LRBA: variants seen among roughly 807,000 people sequenced by gnomAD.
LRBA encodes lipopolysaccharide-responsive and beige-like anchor protein.
A neutral mutation model predicts 330.0 loss-of-function variants in LRBA; 176 were observed. That is an observed-to-expected ratio of 0.53 (90% CI 0.47 to 0.60). The LOEUF is 0.60. Ranked by LOEUF, LRBA falls within the 20% of genes least tolerant of loss-of-function variation. The probability of loss-of-function intolerance (pLI) is 0.00; values close to 1 mark genes in which losing one functional copy is unlikely to be tolerated. For synonymous variants in LRBA, 1,230 were observed against 1,193.0 expected, an observed-to-expected ratio of 1.03 and a Z score of -0.64; for missense variants, 3,259 against 3,444.8, an observed-to-expected ratio of 0.95 and a Z score of 1.35.
chr4:150,357,133 C>T (rs1737953376), intron 47 of LRBA, among the ~76,000 whole-genome samples: 1 of 151,998 alleles, frequency 6.6e-6, no homozygotes, highest in Non-Finnish European at 1.5e-5. Flanking sequence ...TGCCCTTGAA[C>T]TGTTGGGCAG....
intron 30 of LRBA, among the ~76,000 whole-genome samples, chr4:150,827,974 C>G (rs553751150): frequency 6.6e-6 from 1 of 152,156 alleles, no homozygotes; most frequent in Non-Finnish European, 1.5e-5. Flanking sequence ...GTATATAATA[C>G]ATATAACAAT....
At chr4:150,390,652 CAAGG>C (rs1743783797) in intron 47 of LRBA, among the ~76,000 whole-genome samples, 1 of 152,148 alleles carries the variant, frequency 6.6e-6, no homozygotes, top group African/African-American at 2.4e-5. Context: ...AAAAATTCCT[CAAGG>C]AAGGAATTCT....
intron 49 of LRBA, among the ~76,000 whole-genome samples, chr4:150,322,580 C>T (rs568347409): frequency 6.6e-6 from 1 of 152,232 alleles, no homozygotes; most frequent in Non-Finnish European, 1.5e-5. Context: ...AAATTAAATA[C>T]ATTTGCATTT....
intron 36 of LRBA, among the ~76,000 whole-genome samples, chr4:150,685,423 T>TATATAC (rs1783519173): frequency 4.3e-5 from 1 of 23,068 alleles, no homozygotes; most frequent in African/African-American, 1.8e-4. Flanking sequence ...TATATATATT[T>TATATAC]TTTTTTTTTT....
intron 37 of LRBA, among the ~76,000 whole-genome samples, chr4:150,607,989 C>G (rs1339735521): frequency 1.3e-5 from 2 of 152,022 alleles, no homozygotes; most frequent in Admixed American, 6.6e-5. Flanking sequence ...GAGCCAAGAT[C>G]GCGCCACTGC....
intron 36 of LRBA, among the ~76,000 whole-genome samples, chr4:150,697,498 AT>A (rs999025235): frequency 1.2e-4 from 18 of 152,168 alleles, no homozygotes; most frequent in Middle Eastern, 6.8e-3. Context: ...AAAGATAGGA[AT>A]AACAGAATGA....
In LRBA at chr4:150,784,817, C is replaced by G. The variant is rs539447545; in HGVS notation, c.5580+13264G>C. Among the ~76,000 whole-genome samples the G allele has an allele frequency of 2.6e-5, 4 of 152,222 alleles. No individual in the cohort carries two copies. In the South Asian group the frequency reaches 8.3e-4, roughly 32 times the overall value. On this transcript the variant is annotated intron_variant, in intron 34 of 56. Transcript: ENST00000651943. ...CTAAACTGGCATGAGGATCAAGAAC[C>G]CTGGTGTTCCTCCACTCATCGGAGT...
At chr4:150,718,598 T>G (rs1728543827) in intron 36 of LRBA, among the ~76,000 whole-genome samples, 2 of 152,142 alleles carry the variant, frequency 1.3e-5, no homozygotes, top group Non-Finnish European at 2.9e-5. Context: ...ACGTTTGCTC[T>G]CTTAAAATTG....
At chr4:150,559,061 CATAGT>C (rs997558931) in intron 40 of LRBA, among the ~76,000 whole-genome samples, 3 of 152,126 alleles carry the variant, frequency 2.0e-5, no homozygotes, top group African/African-American at 7.2e-5. Flanking sequence ...ATATCACTTA[CATAGT>C]ATAACAACTA....
At chr4:150,547,662 C>G (rs1766017420) in intron 40 of LRBA, among the ~76,000 whole-genome samples, 2 of 151,982 alleles carry the variant, frequency 1.3e-5, no homozygotes, top group Admixed American at 1.3e-4. Flanking sequence ...GGATTGGGAG[C>G]AGGGTGGTGT....
At chr4:150,809,454 AG>A (rs533769674) in intron 31 of LRBA, among the ~76,000 whole-genome samples, 26 of 152,350 alleles carry the variant, frequency 1.7e-4, no homozygotes, top group Non-Finnish European at 3.2e-4. Context: ...ACAAGGAATA[AG>A]GTTATGTCAA....
At chr4:150,943,354 C>G (rs1735882777) in intron 2 of LRBA, among the ~76,000 whole-genome samples, 2 of 152,172 alleles carry the variant, frequency 1.3e-5, no homozygotes, top group Non-Finnish European at 2.9e-5. Flanking sequence ...CTTCTGTGCT[C>G]AAGCAATCCT....
intron 46 of LRBA, chr4:150,423,256 C>T (rs545854303): frequency 7.4e-6 from 8 of 1,084,038 alleles, no homozygotes; most frequent in Middle Eastern, 2.1e-4. Flanking sequence ...GACACGCAGC[C>T]GCCTCCCAGC....
chr4:150,319,083 G>T (rs1371273413), intron 50 of LRBA, among the ~76,000 whole-genome samples: 1 of 152,170 alleles, frequency 6.6e-6, no homozygotes, highest in Non-Finnish European at 1.5e-5. Context: ...AAAGCCAGAA[G>T]CTTAGTCATC....
intron 36 of LRBA, among the ~76,000 whole-genome samples, chr4:150,717,292 T>A (rs994390211): frequency 4.6e-5 from 7 of 152,178 alleles, no homozygotes; most frequent in Admixed American, 4.6e-4. Flanking sequence ...AATTTATAAG[T>A]ACTCACAAAA....
At chr4:150,268,730 T>TTTG (rs1324385815) in intron 56 of LRBA, among the ~76,000 whole-genome samples, 3 of 152,276 alleles carry the variant, frequency 2.0e-5, no homozygotes. Flanking sequence ...ATGAAAACAA[T>TTTG]AGGAGTAGAA....
chr4:150,669,754 C>T (rs1326148052), intron 37 of LRBA, among the ~76,000 whole-genome samples: 1 of 152,008 alleles, frequency 6.6e-6, no homozygotes, highest in Non-Finnish European at 1.5e-5. Context: ...TTAGTAGATA[C>T]AGGGTTTCAC....
chr4:150,478,633 A>C (rs1014558795), intron 42 of LRBA, among the ~76,000 whole-genome samples: 4 of 152,188 alleles, frequency 2.6e-5, no homozygotes, highest in Admixed American at 2.6e-4. Context: ...AATATCACTA[A>C]GTTCCAGTGA....
At chr4:150,600,199 C>G (rs1773973462) in intron 37 of LRBA, among the ~76,000 whole-genome samples, 1 of 151,966 alleles carries the variant, frequency 6.6e-6, no homozygotes, top group Non-Finnish European at 1.5e-5. Context: ...GCAGGAACAC[C>G]TGTAAGTTTC....
Sources: allele counts gnomAD v4.1 joint callset (sites outside exome capture counted in the v4.1 genomes callset), GRCh38; gene constraint gnomAD v4.1.1; transcripts MANE v1.5; gene names NCBI Gene and HGNC (gene_info 2026-07-23, HGNC 2026-07-21).